Variants in MCTP1 observed in about 807,000 individuals in gnomAD.
MCTP1 encodes the protein multiple C2 and transmembrane domain-containing protein 1.
A neutral mutation model predicts 120.6 loss-of-function variants in MCTP1; 69 were observed. The ratio of observed to expected loss-of-function variants is 0.57; its 90% CI spans 0.47 to 0.70. The LOEUF is 0.70. Among genes scored for constraint, MCTP1 ranks in the 30% least tolerant of loss-of-function variants. The probability of loss-of-function intolerance (pLI) is 0.00; values close to 1 mark genes in which losing one functional copy is unlikely to be tolerated. For synonymous variants in MCTP1, 529 were observed against 493.1 expected (o/e 1.07, Z -0.96); for missense variants, 1,203 against 1,248.8 (o/e 0.96, Z 0.55).
chr5:95,106,888 G>A (rs1757124131), intron 1 of MCTP1, among the ~76,000 whole-genome samples: 1 of 152,172 alleles, frequency 6.6e-6, no homozygotes, highest in African/African-American at 2.4e-5. Flanking sequence ...CATGCTTAGA[G>A]AACATAAAAC....
At chr5:94,932,593 T>G (rs900370387) in intron 5 of MCTP1, among the ~76,000 whole-genome samples, 1 of 152,058 alleles carries the variant, frequency 6.6e-6, no homozygotes, top group East Asian at 1.9e-4. Flanking sequence ...AAAGTTTTAA[T>G]TAAGGTTCTA....
intron 19 of MCTP1, among the ~76,000 whole-genome samples, chr5:94,720,757 G>A (rs1221867475): frequency 6.6e-6 from 1 of 152,124 alleles, no homozygotes; most frequent in Non-Finnish European, 1.5e-5. Flanking sequence ...AAGGAAGATG[G>A]TTAGAAGAAA....
chr5:95,116,445 A>G (rs187067805), intron 1 of MCTP1, among the ~76,000 whole-genome samples: 1 of 152,268 alleles, frequency 6.6e-6, no homozygotes, highest in Non-Finnish European at 1.5e-5. Flanking sequence ...GTCTTGTGGT[A>G]TAGTTTGAAG....
At chr5:94,726,609 T>C (rs1207526873) in intron 19 of MCTP1, among the ~76,000 whole-genome samples, 2 of 152,196 alleles carry the variant, frequency 1.3e-5, no homozygotes, top group Non-Finnish European at 2.9e-5. Flanking sequence ...AGATTTGTTA[T>C]GAAAATAATC....
chr5:94,744,799 C>T (rs1013008681), intron 19 of MCTP1, among the ~76,000 whole-genome samples: 7 of 152,112 alleles, frequency 4.6e-5, no homozygotes, highest in Non-Finnish European at 7.4e-5. Context: ...TGTGAGCCAC[C>T]GCGCCCAGCC....
At chr5:94,780,931 A>C (rs1776433005) in intron 18 of MCTP1, among the ~76,000 whole-genome samples, 1 of 152,126 alleles carries the variant, frequency 6.6e-6, no homozygotes, top group African/African-American at 2.4e-5. Flanking sequence ...ATACAAAGAC[A>C]ATAGTGACAA....
Position 95,190,657 on chromosome 5 carries a change from A to G in MCTP1, c.720+93199T>C, listed in dbSNP as rs1472412621. 3.9e-5 allele frequency among the ~76,000 whole-genome samples: 6 copies of G among 152,090 alleles called. No homozygotes were observed. In the East Asian group the frequency reaches 1.2e-3, roughly 29 times the overall value. The stretch of plus-strand genomic sequence containing the variant: ...TCCAAGTTTCCTTACTAAAAAAAAA[A>G]CGGGAATAAAAATAATTCCTTTTCT... On this transcript the variant is annotated intron_variant, in intron 1 of 22. Transcript: ENST00000515393.
intron 17 of MCTP1, among the ~76,000 whole-genome samples, chr5:94,854,604 T>G (rs1794392546): frequency 6.6e-6 from 1 of 151,872 alleles, no homozygotes; most frequent in Non-Finnish European, 1.5e-5. Context: ...GCTCGCTGAC[T>G]AAGGAGTAGG....
intron 12 of MCTP1, among the ~76,000 whole-genome samples, chr5:94,874,363 T>C (rs1207817673): frequency 6.6e-6 from 1 of 152,146 alleles, no homozygotes; most frequent in Non-Finnish European, 1.5e-5. Context: ...ATAAGCTATG[T>C]ATTCCCATAC....
At chr5:95,095,641 G>A (rs1196065351) in intron 1 of MCTP1, among the ~76,000 whole-genome samples, 1 of 152,164 alleles carries the variant, frequency 6.6e-6, no homozygotes, top group Non-Finnish European at 1.5e-5. Flanking sequence ...TTTTTAAGTT[G>A]ATTTCAGGAA....
chr5:94,765,751 A>G (rs191882842), intron 19 of MCTP1, among the ~76,000 whole-genome samples: 1 of 151,706 alleles, frequency 6.6e-6, no homozygotes, highest in Non-Finnish European at 1.5e-5. Context: ...AGACTAAAAA[A>G]TTACAAAGGA....
At chr5:94,901,312 AC>A (rs1805469108) in intron 10 of MCTP1, among the ~76,000 whole-genome samples, 1 of 152,070 alleles carries the variant, frequency 6.6e-6, no homozygotes, top group Non-Finnish European at 1.5e-5. Flanking sequence ...GGAAAGACCC[AC>A]CCCATGATTC....
rs551508349 is a variant in MCTP1, at chr5:95,267,940, C to T, written c.720+15916G>A. On this transcript the variant is annotated intron_variant, in intron 1 of 22. Transcript: ENST00000515393. Reference sequence around the variant, plus strand: ...GGTTCCTTCTGCCCAGAACTGTCTGCCACATCCCTGCCTTCCCTCCACCCT... The same window carrying T: ...GGTTCCTTCTGCCCAGAACTGTCTGTCACATCCCTGCCTTCCCTCCACCCT... Among the ~76,000 whole-genome samples the T allele has an allele frequency of 3.9e-5, 6 of 152,366 alleles. No individual in the cohort carries two copies. The South Asian group carries it at 1.2e-3, about 32-fold the overall frequency.
chr5:95,081,707 A>G, intron 1 of MCTP1: 2 of 1,276,448 alleles, frequency 1.6e-6, no homozygotes, highest in Non-Finnish European at 2.0e-6. Context: ...GATATGACTC[A>G]ACTCTCAAAC....
At chr5:95,214,807 C>T (rs1752843572) in intron 1 of MCTP1, among the ~76,000 whole-genome samples, 1 of 135,764 alleles carries the variant, frequency 7.4e-6, no homozygotes, top group African/African-American at 2.8e-5. Context: ...TAGGTGGGAA[C>T]TGAACAATGA....
intron 1 of MCTP1, among the ~76,000 whole-genome samples, chr5:95,233,046 G>C (rs1755138508): frequency 6.6e-6 from 1 of 152,238 alleles, no homozygotes; most frequent in South Asian, 2.1e-4. Flanking sequence ...TCCAATAATT[G>C]GTAGAATAAA....
At chr5:94,851,258 A>C (rs2089137242) in intron 17 of MCTP1, among the ~76,000 whole-genome samples, 1 of 152,084 alleles carries the variant, frequency 6.6e-6, no homozygotes, top group South Asian at 2.1e-4. Flanking sequence ...AACTCTAAAG[A>C]GAGTAGGTTT....
At chr5:95,012,140 T>A (rs776245716) in intron 2 of MCTP1, among the ~76,000 whole-genome samples, 17 of 152,092 alleles carry the variant, frequency 1.1e-4, no homozygotes, top group Non-Finnish European at 2.2e-4. Context: ...CACACACCTA[T>A]CTCCATACAT....
At chr5:94,925,432 A>G (rs159025) in intron 6 of MCTP1, among the ~76,000 whole-genome samples, 15,528 of 151,866 alleles carry the variant, frequency 0.1, 1,417 homozygotes, top group African/African-American at 0.25. Flanking sequence ...TTTTTGAGAC[A>G]GAGTCTTGCT....
Sources: allele counts gnomAD v4.1 joint callset (sites outside exome capture counted in the v4.1 genomes callset), GRCh38; gene constraint gnomAD v4.1.1; transcripts MANE v1.5; gene names NCBI Gene and HGNC (gene_info 2026-07-23, HGNC 2026-07-21).